Variants in DPYSL3 observed in about 807,000 individuals in gnomAD.
The protein encoded by DPYSL3 is dihydropyrimidinase-related protein 3.
A neutral mutation model predicts 66.1 loss-of-function variants in DPYSL3; 16 were observed. That is an observed-to-expected ratio of 0.24 (90% confidence interval 0.16 to 0.37). The LOEUF (loss-of-function observed/expected upper bound fraction) is 0.37. Ranked by LOEUF, DPYSL3 falls within the 10% of genes least tolerant of loss-of-function variation. DPYSL3 has a pLI of 1.00. For missense variants in DPYSL3, 738 were observed against 916.2 expected (o/e 0.81, Z 2.51); for synonymous variants, 338 against 345.1 (o/e 0.98, Z 0.23).
intron 1 of DPYSL3, among the ~76,000 whole-genome samples, chr5:147,471,183 G>A (rs983834357): frequency 3.3e-5 from 5 of 152,172 alleles, no homozygotes; most frequent in African/African-American, 1.2e-4. Context: ...TACTAATGGG[G>A]AGGAGGAAAG....
chr5:147,455,273 G>A (rs1752826485), intron 1 of DPYSL3, among the ~76,000 whole-genome samples: 1 of 152,154 alleles, frequency 6.6e-6, no homozygotes, highest in East Asian at 1.9e-4. Flanking sequence ...GACACACAAA[G>A]CCCCCCTTAA....
Position 147,493,077 on chromosome 5 carries a change from C to T in DPYSL3, c.381+16401G>A, listed in dbSNP as rs533775533. On this transcript the variant is annotated intron_variant, in intron 1 of 13. Coordinates refer to ENST00000343218, the MANE Select transcript of DPYSL3 (RefSeq NM_001197294.2). ...CATCCAGAATAGACCTCGGAGCAAG[C>T]GAAGTTATCAGAAATAAAGAGGGAC... Among the ~76,000 whole-genome samples the T allele has an allele frequency of 2.6e-5, 4 of 152,104 alleles. No homozygotes were observed. In the East Asian group the frequency reaches 5.8e-4, roughly 22 times the overall value.
chr5:147,428,485 G>T (rs1752241928), intron 1 of DPYSL3, among the ~76,000 whole-genome samples: 1 of 152,126 alleles, frequency 6.6e-6, no homozygotes, highest in Admixed American at 6.5e-5. Flanking sequence ...ACTGGGGAAT[G>T]TGAGCGTGGG....
At chr5:147,502,309 T>C (rs1027693719) in intron 1 of DPYSL3, among the ~76,000 whole-genome samples, 1 of 151,704 alleles carries the variant, frequency 6.6e-6, no homozygotes, top group Non-Finnish European at 1.5e-5. Flanking sequence ...CGCTAAATGA[T>C]AAAAAATAAT....
chr5:147,459,162 C>T (rs1258577358), intron 1 of DPYSL3, among the ~76,000 whole-genome samples: 1 of 151,940 alleles, frequency 6.6e-6, no homozygotes, highest in Non-Finnish European at 1.5e-5. Context: ...ATCTCCAAAA[C>T]ATTTAAAATA....
At position 147,401,583 on chromosome 5, in the gene DPYSL3, G is replaced by C. The variant is rs765013840; in HGVS notation, c.1267C>G (p.Pro423Ala). ...ATGTAGTCCGGAGTAGTTGGGTCAGGGCTCAGGGGTGGGGATGTCACAAAT... is the reference window on the plus strand; with the variant it reads ...ATGTAGTCCGGAGTAGTTGGGTCAGCGCTCAGGGGTGGGGATGTCACAAAT... ...AAFVTSPPLS[P>A]DPTTPDYINS... is the part of the protein sequence containing the mutation. The change falls in exon 9 of 14, where the codon CCT becomes GCT. Residue 423 changes from proline (P) to alanine (A), a missense_variant. Coordinates refer to ENST00000343218, the MANE Select transcript of DPYSL3 (RefSeq NM_001197294.2). 11 of 1,613,818 alleles carry C rather than the reference G, an allele frequency of 6.8e-6. No homozygotes were observed. In the South Asian group the frequency reaches 1.1e-4, roughly 16 times the overall value.
intron 2 of DPYSL3, among the ~76,000 whole-genome samples, chr5:147,420,947 A>T (rs1258624329): frequency 6.6e-6 from 1 of 152,234 alleles, no homozygotes; most frequent in Non-Finnish European, 1.5e-5. Flanking sequence ...AGACAAGATC[A>T]GGCATGTTCA....
chr5:147,467,610 T>C (rs982770568), intron 1 of DPYSL3, among the ~76,000 whole-genome samples: 3 of 152,150 alleles, frequency 2.0e-5, no homozygotes, highest in Non-Finnish European at 4.4e-5. Flanking sequence ...AGTAACCAAG[T>C]CTTCTTTTCA....
At chr5:147,439,102 C>T (rs1247111251) in intron 1 of DPYSL3, among the ~76,000 whole-genome samples, 1 of 152,186 alleles carries the variant, frequency 6.6e-6, no homozygotes, top group Non-Finnish European at 1.5e-5. Context: ...TTCATTCATT[C>T]CTTCATCTAA....
intron 1 of DPYSL3, among the ~76,000 whole-genome samples, chr5:147,506,266 T>C (rs1447779783): frequency 6.6e-6 from 1 of 152,086 alleles, no homozygotes; most frequent in African/African-American, 2.4e-5. Flanking sequence ...ATAGTTAAGA[T>C]TTTTTTGGGG....
In DPYSL3 at chr5:147,393,671, T is replaced by A; in HGVS notation, c.*364A>T. Reference sequence around the variant, plus strand: ...ACCCACTCACCCCAAATAACCTGCGTCCCTTTTGTTCATTTCCCTGACGTC... The same window carrying A: ...ACCCACTCACCCCAAATAACCTGCGACCCTTTTGTTCATTTCCCTGACGTC... On this transcript the variant is annotated 3_prime_UTR_variant, in exon 14 of 14. Coordinates refer to ENST00000343218, the MANE Select transcript of DPYSL3 (RefSeq NM_001197294.2). 4.7e-6 allele frequency: 1 copy of A among 214,254 alleles called. No homozygotes were observed. The highest frequency in any genetic ancestry group is 8.2e-5 in the South Asian group (1 of 12,156). The allele number at this position is 214,254 out of a possible 1,614,324, so 13.3% of individuals were successfully genotyped here. A position where few individuals can be genotyped will look rare whatever the true frequency, so the allele number is the denominator to read the frequency against.
chr5:147,413,427 C>T (rs1751896254), intron 5 of DPYSL3, among the ~76,000 whole-genome samples, 169 bp downstream of exon 5: 1 of 152,172 alleles, frequency 6.6e-6, no homozygotes, highest in African/African-American at 2.4e-5. Context: ...GGCACCCTGC[C>T]TGTTACCTTA....
At chr5:147,444,623 C>T (rs1402487288) in intron 1 of DPYSL3, among the ~76,000 whole-genome samples, 1 of 152,142 alleles carries the variant, frequency 6.6e-6, no homozygotes, top group Non-Finnish European at 1.5e-5. Flanking sequence ...CTAGTGATTA[C>T]CATTACACAT....
chr5:147,490,701 G>A, intron 1 of DPYSL3, among the ~76,000 whole-genome samples: 1 of 152,170 alleles, frequency 6.6e-6, no homozygotes, highest in East Asian at 1.9e-4. Context: ...CCAAAACTGG[G>A]TAGACAGACA....
At position 147,491,751 on chromosome 5, in the gene DPYSL3, GA is replaced by G. The variant is rs200265182; in HGVS notation, c.381+17726del. Among the ~76,000 whole-genome samples, 55 of 142,292 alleles carry G rather than the reference GA, an allele frequency of 3.9e-4. No individual in the cohort carries two copies. In the East Asian group the frequency reaches 5.1e-3, roughly 13 times the overall value. 93.3% of individuals were successfully genotyped at this position (142,292 alleles called of 152,430 possible). A position where few individuals can be genotyped will look rare whatever the true frequency, so the allele number is the denominator to read the frequency against. ...AACTGCCAAAACTGAAATGCAGGGAGAAAAAAAAAAGACCAAAAAAAGACCA... is the reference window on the plus strand; with the variant it reads ...AACTGCCAAAACTGAAATGCAGGGAGAAAAAAAAAGACCAAAAAAAGACCA... On this transcript the variant is annotated intron_variant, in intron 1 of 13. Transcript: ENST00000343218.
chr5:147,495,093 C>T (rs186912541), intron 1 of DPYSL3, among the ~76,000 whole-genome samples: 4 of 152,190 alleles, frequency 2.6e-5, no homozygotes, highest in Non-Finnish European at 5.9e-5. Context: ...ATGCCAGACT[C>T]AGATGGATTT....
chr5:147,401,427 A>C, intron 9 of DPYSL3, 113 bp downstream of exon 9: 1 of 1,242,880 alleles, frequency 8.0e-7, no homozygotes, highest in South Asian at 1.6e-5. Context: ...TACACTGTTC[A>C]CACTGCAGAC....
At chr5:147,398,245 AG>A (rs1385559517) in intron 11 of DPYSL3, among the ~76,000 whole-genome samples, 2 of 152,162 alleles carry the variant, frequency 1.3e-5, no homozygotes, top group Non-Finnish European at 2.9e-5. Context: ...ATTTAAGCAA[AG>A]GCCATTGCCA....
At chr5:147,402,339 GACT>G (rs1758206799) in intron 8 of DPYSL3, among the ~76,000 whole-genome samples, 1 of 131,062 alleles carries the variant, frequency 7.6e-6, no homozygotes, top group Non-Finnish European at 1.6e-5. Flanking sequence ...AGACTCTCAT[GACT>G]TTTTTTTTTT....
Sources: gnomAD v4.1 joint callset for allele counts (sites outside exome capture counted in the v4.1 genomes callset) on GRCh38, gnomAD v4.1.1 for gene constraint, MANE v1.5 for transcripts, NCBI Gene and HGNC (gene_info 2026-07-23, HGNC 2026-07-21) for gene names.